ABCA13: variants seen among roughly 807,000 people sequenced by gnomAD.
The protein encoded by ABCA13 is ATP-binding cassette sub-family A member 13.
In ABCA13, 476 loss-of-function variants were observed where a neutral mutation model predicts 478.7. The ratio of observed to expected loss-of-function variants is 0.99; its 90% confidence interval spans 0.92 to 1.07. The LOEUF (loss-of-function observed/expected upper bound fraction) is 1.07. Ranked by LOEUF, ABCA13 falls within the 50% of genes least tolerant of loss-of-function variation. ABCA13 has a pLI of 0.00. For missense variants in ABCA13, 6,060 were observed against 5,910.6 expected (o/e 1.03, Z -0.83); for synonymous variants, 2,252 against 2,158.9 (o/e 1.04, Z -1.20).
chr7:48,514,082 G>A (rs112740321), intron 51 of ABCA13, among the ~76,000 whole-genome samples: 1,889 of 152,312 alleles, frequency 0.012, 19 homozygotes, highest in Middle Eastern at 0.048. Context: ...AGGAAGTAGA[G>A]CCTAATGTTG....
At chr7:48,531,789 A>T (rs1833256153) in intron 55 of ABCA13, among the ~76,000 whole-genome samples, 1 of 96,258 alleles carries the variant, frequency 1.0e-5, no homozygotes, top group African/African-American at 3.9e-5. Context: ...TCTTGATTTG[A>T]TTCTCCGTTT....
At chr7:48,626,337 A>G (rs897141546) in intron 59 of ABCA13, among the ~76,000 whole-genome samples, 2 of 152,168 alleles carry the variant, frequency 1.3e-5, no homozygotes, top group African/African-American at 2.4e-5. Flanking sequence ...AATCACGTGT[A>G]TGCTTAGCCA....
intron 35 of ABCA13, among the ~76,000 whole-genome samples, chr7:48,383,642 A>G (rs1017697283): frequency 2.0e-5 from 3 of 152,232 alleles, no homozygotes; most frequent in Admixed American, 6.5e-5. Flanking sequence ...AAATTGAGCT[A>G]TAATACATCA....
intron 35 of ABCA13, among the ~76,000 whole-genome samples, chr7:48,385,211 G>T (rs570569997): frequency 6.6e-6 from 1 of 152,224 alleles, no homozygotes; most frequent in East Asian, 1.9e-4. Context: ...GTGTCATGGA[G>T]GTTTATTGTA....
rs548300429 is a variant in ABCA13, at chr7:48,522,101, G to A, written c.14051+1807G>A. On this transcript the variant is annotated intron_variant, in intron 53 of 61. Transcript: ENST00000435803. ...GATGCCTTCTCCGTGTTTCTGTTAC[G>A]CCCTCTTTCTCTATTAGGGCACATC... Among the ~76,000 whole-genome samples the A allele has an allele frequency of 2.6e-5, 4 of 152,190 alleles. 1 individual carries two copies. The highest frequency in any genetic ancestry group is 2.1e-4 in the South Asian group (1 of 4,818).
At chr7:48,192,873 A>G in intron 1 of ABCA13, 86 bp from the exon 2 acceptor site, 1 of 1,041,938 alleles carries the variant, frequency 9.6e-7, no homozygotes, top group South Asian at 1.5e-5. Flanking sequence ...CACAGCAGGG[A>G]TTAAAATGAC....
intron 55 of ABCA13, among the ~76,000 whole-genome samples, chr7:48,538,245 C>T (rs796806183): frequency 3.3e-5 from 5 of 151,598 alleles, no homozygotes; most frequent in South Asian, 2.1e-4. Context: ...GGATTACAGG[C>T]GCATGCCACT....
chr7:48,621,354 G>A (rs887899918), intron 59 of ABCA13, among the ~76,000 whole-genome samples: 3 of 152,078 alleles, frequency 2.0e-5, no homozygotes, highest in African/African-American at 7.2e-5. Flanking sequence ...TCTGCTCCTA[G>A]AGAGCACAGA....
chr7:48,387,777 A>G, intron 35 of ABCA13, 45 bp from the exon 36 acceptor site: 1 of 1,428,996 alleles, frequency 7.0e-7, no homozygotes, highest in Non-Finnish European at 9.4e-7. Flanking sequence ...CAGTACCTTC[A>G]TCTAAATAAA....
chr7:48,352,497 C>A lies in ABCA13; in HGVS notation c.10688+10C>A. Reference sequence around the variant, plus strand: ...GCCATACCAGCGACCTGTGAGTAGCCTGGGGCAGGAGCCACCGACAGTGAG... The same window carrying A: ...GCCATACCAGCGACCTGTGAGTAGCATGGGGCAGGAGCCACCGACAGTGAG... On this transcript the variant is annotated intron_variant, in intron 31 of 61. Coordinates refer to ENST00000435803, the MANE Select transcript of ABCA13 (RefSeq NM_152701.5). 6.3e-7 allele frequency: 1 copy of A among 1,585,192 alleles called. No individual in the cohort carries two copies.
intron 43 of ABCA13, among the ~76,000 whole-genome samples, chr7:48,459,662 A>G (rs1330126669): frequency 6.6e-6 from 1 of 152,180 alleles, no homozygotes; most frequent in East Asian, 1.9e-4. Context: ...CTGGAGCTTA[A>G]GGATCAAGCC....
chr7:48,449,532 C>G (rs1038068248), intron 42 of ABCA13, among the ~76,000 whole-genome samples: 3 of 152,168 alleles, frequency 2.0e-5, no homozygotes, highest in African/African-American at 7.2e-5. Flanking sequence ...CAGGGTTAGC[C>G]AGGGCTGGAA....
intron 7 of ABCA13, among the ~76,000 whole-genome samples, chr7:48,230,520 G>A (rs749256293): frequency 2.0e-5 from 3 of 151,504 alleles, no homozygotes; most frequent in Non-Finnish European, 2.9e-5. Context: ...TCTATCTTTG[G>A]CTATTTCTCT....
chr7:48,572,351 C>T (rs1787749576), intron 55 of ABCA13, among the ~76,000 whole-genome samples: 1 of 151,888 alleles, frequency 6.6e-6, no homozygotes, highest in African/African-American at 2.4e-5. Flanking sequence ...CAGGGTCTTG[C>T]TCTGTCACCC....
Position 48,248,242 on chromosome 7 carries a change from C to T in ABCA13, c.1663C>T (p.Arg555Cys), listed in dbSNP as rs1792003505. ...AATATCTTCTTTTCTTGTTAAGGAT[C>T]GTATTTTGCAAGAGGTCATTACTTG... Reference protein sequence around the residue: ...KLLGSVEDADRILQEVITWHK... With the variant: ...KLLGSVEDADCILQEVITWHK... Residue 555 changes from arginine to cysteine, a missense_variant, in exon 14 of 62, where the codon CGT (arginine) becomes TGT (cysteine). Arg to Cys is a radical substitution (Grantham distance 180). Transcript: ENST00000435803. 10 of 1,610,900 alleles carry T rather than the reference C, an allele frequency of 6.2e-6. No individual in the cohort carries two copies. The highest frequency in any genetic ancestry group is 2.2e-5 in the East Asian group (1 of 44,836).
chr7:48,540,259 G>A (rs747273203), intron 55 of ABCA13, among the ~76,000 whole-genome samples: 2 of 152,064 alleles, frequency 1.3e-5, no homozygotes, highest in Non-Finnish European at 2.9e-5. Flanking sequence ...GCAAAATTAG[G>A]TTTATTTCTT....
intron 57 of ABCA13, among the ~76,000 whole-genome samples, chr7:48,591,028 A>G (rs1319993013): frequency 6.6e-6 from 1 of 151,974 alleles, no homozygotes. Context: ...GTCATATCCA[A>G]AAAAGAAACA....
intron 58 of ABCA13, among the ~76,000 whole-genome samples, chr7:48,607,390 C>A (rs1393580303): frequency 6.7e-6 from 1 of 149,192 alleles, no homozygotes; most frequent in Non-Finnish European, 1.5e-5. Context: ...TCCAACCAGT[C>A]TCAATGAGAT....
At chr7:48,526,097 G>A (rs190916424) in intron 54 of ABCA13, among the ~76,000 whole-genome samples, 133 of 152,206 alleles carry the variant, frequency 8.7e-4, no homozygotes, top group African/African-American at 3.0e-3. Flanking sequence ...AACTTCTTTA[G>A]GGGTAATTTT....
Sources: allele counts gnomAD v4.1 joint callset (sites outside exome capture counted in the v4.1 genomes callset), GRCh38; gene constraint gnomAD v4.1.1; transcripts MANE v1.5; gene names NCBI Gene and HGNC (gene_info 2026-07-23, HGNC 2026-07-21).